OSBPL3: variants seen among roughly 807,000 people sequenced by gnomAD.
OSBPL3 encodes oxysterol-binding protein-related protein 3.
A neutral mutation model predicts 120.1 loss-of-function variants in OSBPL3; 65 were observed. The observed-to-expected ratio is 0.54, with a 90% confidence interval of 0.44 to 0.67. The LOEUF is 0.67. Ranked by LOEUF, OSBPL3 falls within the 30% of genes least tolerant of loss-of-function variation. The probability of loss-of-function intolerance (pLI) is 0.00; values close to 1 mark genes in which losing one functional copy is unlikely to be tolerated. For missense variants in OSBPL3, 1,004 were observed against 1,082.1 expected, an observed-to-expected ratio of 0.93 and a Z score of 1.01; for synonymous variants, 416 against 402.6, an observed-to-expected ratio of 1.03 and a Z score of -0.40.
intron 19 of OSBPL3, among the ~76,000 whole-genome samples, chr7:24,812,662 G>A (rs898060860): frequency 3.9e-5 from 6 of 152,124 alleles, no homozygotes; most frequent in African/African-American, 1.4e-4. Context: ...ACTATTTTCA[G>A]CTTAAACAGA....
At chr7:24,917,401 C>CATATATATATATAT (rs59525014) in intron 1 of OSBPL3, among the ~76,000 whole-genome samples, 5,145 of 99,504 alleles carry the variant, frequency 0.052, 175 homozygotes, top group Non-Finnish European at 0.071. Context: ...ATATTTGTAA[C>CATATATATATATAT]ATATATATAT....
chr7:24,814,275 A>C (rs1310406552), intron 19 of OSBPL3, among the ~76,000 whole-genome samples: 1 of 86,238 alleles, frequency 1.2e-5, no homozygotes, highest in Non-Finnish European at 2.1e-5. Flanking sequence ...GTTGGAGAGG[A>C]ACGAGGTGGC....
At chr7:24,869,348 G>A (rs138876221) in intron 5 of OSBPL3, among the ~76,000 whole-genome samples, 1 of 152,304 alleles carries the variant, frequency 6.6e-6, no homozygotes, top group East Asian at 1.9e-4. Flanking sequence ...TTCATTGGAA[G>A]TACCTGAAGA....
rs1038289240 is a variant in OSBPL3, at chr7:24,863,769, T to C, written c.674-170A>G. Among the ~76,000 whole-genome samples, 6 of 152,156 alleles carry C rather than the reference T, an allele frequency of 3.9e-5. No individual in the cohort carries two copies. The highest frequency in any genetic ancestry group is 8.8e-5 in the Non-Finnish European group (6 of 68,024). ...TTACAGGAAAGGCTGTAGACTCTAGTGGTTAAGGGCATGAATCTTGAGAAC... is the reference window on the plus strand; with the variant it reads ...TTACAGGAAAGGCTGTAGACTCTAGCGGTTAAGGGCATGAATCTTGAGAAC... On this transcript the variant is annotated intron_variant, in intron 7 of 22. Coordinates refer to ENST00000313367, the MANE Select transcript of OSBPL3 (RefSeq NM_015550.4). The surrounding 1 kb of genome is among the most constrained non-coding windows in gnomAD (Gnocchi z 5.8).
At chr7:24,949,498 T>A (rs188154862) in intron 1 of OSBPL3, among the ~76,000 whole-genome samples, 13 of 152,308 alleles carry the variant, frequency 8.5e-5, no homozygotes, top group African/African-American at 2.4e-4. Flanking sequence ...ATATAATCAA[T>A]CCATTTTGGA....
chr7:24,917,247 A>G (rs1470577800), intron 1 of OSBPL3, among the ~76,000 whole-genome samples: 1 of 151,906 alleles, frequency 6.6e-6, no homozygotes, highest in African/African-American at 2.4e-5. Flanking sequence ...GGTGTGCATC[A>G]GAGCAAAATC....
chr7:24,976,250 T>C (rs1027479449), intron 1 of OSBPL3, among the ~76,000 whole-genome samples: 1 of 152,016 alleles, frequency 6.6e-6, no homozygotes, highest in Non-Finnish European at 1.5e-5. Flanking sequence ...ACCCGGCACA[T>C]ACAAGTTCAG....
Position 24,965,479 on chromosome 7 carries a change from C to G in OSBPL3, c.-150+14407G>C, listed in dbSNP as rs1337612335. ...TATAAAATAAGGGGGTTATGACAAT[C>G]TAATGATAACCAGAATTCTCTGGTT... is the stretch of plus-strand genomic sequence containing the variant. On this transcript the variant is annotated intron_variant, in intron 1 of 22. Coordinates refer to ENST00000313367, the MANE Select transcript of OSBPL3 (RefSeq NM_015550.4). This position sits in a 1 kb window ranked among gnomAD's most constrained non-coding sequence, Gnocchi z 4.3. Among the ~76,000 whole-genome samples the G allele has an allele frequency of 6.6e-6, 1 of 152,162 alleles. No individual in the cohort carries two copies. The highest frequency in any genetic ancestry group is 1.5e-5 in the Non-Finnish European group (1 of 68,022).
intron 2 of OSBPL3, among the ~76,000 whole-genome samples, chr7:24,875,246 C>T (rs1383793741): frequency 6.6e-6 from 1 of 152,124 alleles, no homozygotes; most frequent in African/African-American, 2.4e-5. Flanking sequence ...TGAGGGAAGA[C>T]TGTATTTTGT....
chr7:24,934,636 T>G (rs991543427), intron 1 of OSBPL3, among the ~76,000 whole-genome samples: 36 of 152,326 alleles, frequency 2.4e-4, no homozygotes, highest in African/African-American at 8.4e-4. Context: ...GCATAACTAC[T>G]TAGACGGCTT....
In OSBPL3 at chr7:24,912,437, C is replaced by T. The variant is rs1015622981; in HGVS notation, c.-149-19816G>A. Among the ~76,000 whole-genome samples the T allele has an allele frequency of 2.6e-5, 4 of 152,284 alleles. No homozygotes were observed. The highest frequency in any genetic ancestry group is 3.4e-3 in the Middle Eastern group (1 of 294). On this transcript the variant is annotated intron_variant, in intron 1 of 22. Transcript: ENST00000313367. This position sits in a 1 kb window ranked among gnomAD's most constrained non-coding sequence, Gnocchi z 4.5. ...CCCTATGTTGCAGATTCACTGCAGA[C>T]ATCCATTGATTTAGGGAGTTTAGCA... is the stretch of plus-strand genomic sequence containing the variant.
chr7:24,974,376 A>T (rs1817349678), intron 1 of OSBPL3, among the ~76,000 whole-genome samples: 1 of 152,216 alleles, frequency 6.6e-6, no homozygotes, highest in African/African-American at 2.4e-5. Context: ...TAAACCATCA[A>T]CTATGAGGAC....
intron 5 of OSBPL3, among the ~76,000 whole-genome samples, chr7:24,870,093 A>G (rs1471849631): frequency 6.6e-6 from 1 of 152,236 alleles, no homozygotes; most frequent in East Asian, 1.9e-4. Context: ...TTATAGGTGA[A>G]AAAACTGAGA....
chr7:24,980,300 T>C (rs896436969), upstream of OSBPL3: 1 of 151,528 alleles, frequency 6.6e-6, no homozygotes, highest in Non-Finnish European at 1.5e-5. Flanking sequence ...TGATGCACAA[T>C]CTCACCAATC....
At chr7:24,837,746 A>G (rs1797187974) in intron 14 of OSBPL3, among the ~76,000 whole-genome samples, 2 of 152,202 alleles carry the variant, frequency 1.3e-5, no homozygotes. Context: ...CCCATTTCAC[A>G]GATGAAGAAA....
chr7:24,911,969 T>C (rs1808887285), intron 1 of OSBPL3, among the ~76,000 whole-genome samples: 2 of 152,178 alleles, frequency 1.3e-5, no homozygotes, highest in Non-Finnish European at 2.9e-5. Flanking sequence ...ATGCTAACAA[T>C]GACATGGTTA....
At chr7:24,838,551 C>T (rs1037421539) in intron 14 of OSBPL3, among the ~76,000 whole-genome samples, 4 of 152,144 alleles carry the variant, frequency 2.6e-5, no homozygotes, top group East Asian at 1.9e-4. Context: ...ATGTAAACTA[C>T]GACAGAACCA....
rs370567452 is a variant in OSBPL3, at chr7:24,818,311, T to C, written c.1949-1623A>G. Among the ~76,000 whole-genome samples the C allele has an allele frequency of 1.3e-5, 2 of 152,146 alleles. No homozygotes were observed. The highest frequency in any genetic ancestry group is 2.1e-4 in the South Asian group (1 of 4,822). On this transcript the variant is annotated intron_variant, in intron 17 of 22. Coordinates refer to ENST00000313367, the MANE Select transcript of OSBPL3 (RefSeq NM_015550.4). The surrounding 1 kb of genome is among the most constrained non-coding windows in gnomAD (Gnocchi z 4.0). Reference sequence around the variant, plus strand: ...GTACACTTTACACGGGTGAATGATATGGTATATAAGTTATATGTTCATAAA... The same window carrying C: ...GTACACTTTACACGGGTGAATGATACGGTATATAAGTTATATGTTCATAAA...
chr7:24,926,131 T>C (rs1584641124), intron 1 of OSBPL3, among the ~76,000 whole-genome samples: 1 of 152,144 alleles, frequency 6.6e-6, no homozygotes, highest in South Asian at 2.1e-4. Flanking sequence ...ACCCCTCAGG[T>C]GTACTGAATT....
Sources: gnomAD v4.1 joint callset for allele counts (sites outside exome capture counted in the v4.1 genomes callset) on GRCh38, gnomAD v4.1.1 for gene constraint, Gnocchi (gnomAD v3.1) non-coding constraint, MANE v1.5 for transcripts, NCBI Gene and HGNC (gene_info 2026-07-23, HGNC 2026-07-21) for gene names.